Variants in COL5A1 observed in about 807,000 individuals in gnomAD.
COL5A1 encodes the protein collagen type V alpha 1 chain.
Under a neutral mutation model 263.7 loss-of-function variants are expected in COL5A1, and 16 were observed. The ratio of observed to expected loss-of-function variants is 0.06; its 90% confidence interval spans 0.04 to 0.09. The LOEUF is 0.09. Ranked by LOEUF, COL5A1 falls within the 10% of genes least tolerant of loss-of-function variation. The probability of loss-of-function intolerance (pLI) is 1.00; values close to 1 mark genes in which losing one functional copy is unlikely to be tolerated. For missense variants in COL5A1, 2,036 were observed against 2,540.5 expected (o/e 0.80, Z 4.27); for synonymous variants, 1,012 against 1,004.5 (o/e 1.01, Z -0.14).
chr9:134,746,753 A>G (rs1835527575), intron 11 of COL5A1, among the ~76,000 whole-genome samples: 1 of 152,238 alleles, frequency 6.6e-6, no homozygotes, highest in African/African-American at 2.4e-5. Flanking sequence ...CAGCTAATGG[A>G]GTAACAGGAA....
rs559825450 is a variant in COL5A1 at position 134,677,281 on chromosome 9, C to T, written c.110-13631C>T. Among the ~76,000 whole-genome samples, 2 of 152,258 alleles carry T rather than the reference C, an allele frequency of 1.3e-5. No individual in the cohort carries two copies. Among genetic ancestry groups the T allele is most frequent in the East Asian group, 3.9e-4 (2 of 5,184 alleles). ...ATCTCAGCTACCAGTCATGGCTTCT[C>T]GGGGAAGGCAGGCCCTGGTATTACA... On this transcript the variant is annotated intron_variant, in intron 1 of 65. Transcript: ENST00000371817. The surrounding 1 kb of genome is among the most constrained non-coding windows in gnomAD (Gnocchi z 4.4).
intron 63 of COL5A1, among the ~76,000 whole-genome samples, chr9:134,829,455 C>T (rs139183857): frequency 0.015 from 2,240 of 147,556 alleles, 16 homozygotes; most frequent in East Asian, 0.054. Context: ...CATCCTCACG[C>T]GGCCTCCGGT....
intron 27 of COL5A1, among the ~76,000 whole-genome samples, chr9:134,778,663 C>T (rs761367985): frequency 2.9e-4 from 44 of 152,238 alleles, no homozygotes; most frequent in Admixed American, 2.4e-3. Flanking sequence ...CCTTGCCCTC[C>T]CGGCTGCCTC....
rs559164967 is a variant in COL5A1 at position 134,724,488 on chromosome 9, C to T, written c.655-2778C>T. The stretch of plus-strand genomic sequence containing the variant: ...CTGCGGGCTGGGATTCCCTCCGCCC[C>T]GCCCGTGTGCGCAGTGGTTGTGATG... On this transcript the variant is annotated intron_variant, in intron 4 of 65. Coordinates refer to ENST00000371817, the MANE Select transcript of COL5A1 (RefSeq NM_000093.5). Among the ~76,000 whole-genome samples the T allele has an allele frequency of 3.9e-5, 6 of 152,314 alleles. No individual in the cohort carries two copies. In the South Asian group the frequency reaches 6.2e-4, roughly 16 times the overall value.
intron 20 of COL5A1, among the ~76,000 whole-genome samples, chr9:134,764,583 A>G (rs866158874): frequency 2.0e-5 from 3 of 152,156 alleles, no homozygotes; most frequent in African/African-American, 7.2e-5. Flanking sequence ...TGGATAGGAC[A>G]TTAATTACTA....
At chr9:134,775,677 T>C (rs78117819) in intron 27 of COL5A1, among the ~76,000 whole-genome samples, 2,292 of 152,338 alleles carry the variant, frequency 0.015, 36 homozygotes, top group Non-Finnish European at 0.021. Context: ...CCTCTGAGAA[T>C]GGGGACTTGC....
rs3128598 is a variant in COL5A1 at position 134,730,193 on chromosome 9, G to A, written c.925-43G>A. ...AAGTCCCAGACCTGGCACCACTGCC[G>A]GCCTCCGCCCTGACTCCAGCTGTCT... On this transcript the variant is annotated intron_variant, in intron 6 of 65. Transcript: ENST00000371817. 710,600 of 1,605,376 alleles carry A rather than the reference G, an allele frequency of 0.44. 162,136 individuals carry two copies. Among genetic ancestry groups the A allele is most frequent in the Admixed American group, 0.66 (39,724 of 59,926 alleles).
At chr9:134,763,368 C>T (rs533759718) in intron 19 of COL5A1, among the ~76,000 whole-genome samples, 1 of 152,348 alleles carries the variant, frequency 6.6e-6, no homozygotes, top group South Asian at 2.1e-4. Flanking sequence ...ATGCCCTGTC[C>T]TGCCCCAGAG....
In COL5A1 at chr9:134,696,196, C is replaced by G. The variant is rs1028930966; in HGVS notation, c.278-3713C>G. Among the ~76,000 whole-genome samples the G allele has an allele frequency of 6.6e-6, 1 of 151,948 alleles. No homozygotes were observed. The highest frequency in any genetic ancestry group is 2.1e-4 in the South Asian group (1 of 4,810). On this transcript the variant is annotated intron_variant, in intron 2 of 65. Coordinates refer to ENST00000371817, the MANE Select transcript of COL5A1 (RefSeq NM_000093.5). This position sits in a 1 kb window ranked among gnomAD's most constrained non-coding sequence, Gnocchi z 4.3. Reference sequence around the variant, plus strand: ...ATTATTATTATTATTATTATTGAGACAGAGTCTCACTCTGTCGCCCAGGCT... The same window carrying G: ...ATTATTATTATTATTATTATTGAGAGAGAGTCTCACTCTGTCGCCCAGGCT...
intron 4 of COL5A1, among the ~76,000 whole-genome samples, chr9:134,706,113 C>T (rs1833829978): frequency 6.6e-6 from 1 of 152,208 alleles, no homozygotes; most frequent in Non-Finnish European, 1.5e-5. Context: ...GTGGGATGGC[C>T]AAGCCCTCTC....
chr9:134,649,318 C>CA (rs1459657934), intron 1 of COL5A1: 1 of 365,064 alleles, frequency 2.7e-6, no homozygotes, highest in Non-Finnish European at 5.4e-6. Context: ...GTAATAACCT[C>CA]ATATTAGCAG....
chr9:134,658,030 C>T (rs537488251), intron 1 of COL5A1, among the ~76,000 whole-genome samples: 51 of 152,078 alleles, frequency 3.4e-4, no homozygotes, highest in African/African-American at 1.0e-3. Flanking sequence ...GGACTGCACT[C>T]GGAGTCCTGT....
chr9:134,681,785 T>C lies in COL5A1; in HGVS notation c.110-9127T>C, dbSNP rs1383094177. On this transcript the variant is annotated intron_variant, in intron 1 of 65. Coordinates refer to ENST00000371817, the MANE Select transcript of COL5A1 (RefSeq NM_000093.5). This position sits in a 1 kb window ranked among gnomAD's most constrained non-coding sequence, Gnocchi z 4.3. ...CCCGAGAATTGTGAAGACCTCAAGC[T>C]TGGGGTTATTTAGAGACTCTCAAGT... 6.6e-6 allele frequency among the ~76,000 whole-genome samples: 1 copy of C among 152,206 alleles called. No homozygotes were observed. The highest frequency in any genetic ancestry group is 2.1e-4 in the South Asian group (1 of 4,830).
intron 11 of COL5A1, among the ~76,000 whole-genome samples, chr9:134,744,945 G>T (rs1385411252): frequency 6.6e-6 from 1 of 152,246 alleles, no homozygotes; most frequent in African/African-American, 2.4e-5. Flanking sequence ...ACATCTACAT[G>T]CACGCGTGCG....
At chr9:134,712,232 TCTTATCCC>T (rs1834083238) in intron 4 of COL5A1, among the ~76,000 whole-genome samples, 3 of 30,298 alleles carry the variant, frequency 9.9e-5, no homozygotes, top group African/African-American at 2.8e-4. Context: ...GCCCCCTTCT[TCTTATCCC>T]CCTTCTTCCT....
chr9:134,793,329 C>A (rs535109209), intron 32 of COL5A1, among the ~76,000 whole-genome samples: 1 of 151,954 alleles, frequency 6.6e-6, no homozygotes, highest in African/African-American at 2.4e-5. Context: ...TTCCTAAGGG[C>A]AAGAAGACAG....
chr9:134,651,612 C>T (rs1483573887), intron 1 of COL5A1, among the ~76,000 whole-genome samples: 2 of 152,258 alleles, frequency 1.3e-5, no homozygotes, highest in East Asian at 3.8e-4. Flanking sequence ...GCCCAGCCAT[C>T]TGCATCCTCA....
Position 134,652,652 on chromosome 9 carries a change from G to A in COL5A1, c.109+10356G>A, listed in dbSNP as rs1412906340. 2.3e-5 allele frequency: 11 copies of A among 470,376 alleles called. No individual in the cohort carries two copies. Among genetic ancestry groups the A allele is most frequent in the African/African-American group, 8.0e-5 (4 of 50,054 alleles). The allele number at this position is 470,376 out of a possible 1,614,324, so 29.1% of individuals were successfully genotyped here. On this transcript the variant is annotated intron_variant, in intron 1 of 65. Transcript: ENST00000371817. This position sits in a 1 kb window ranked among gnomAD's most constrained non-coding sequence, Gnocchi z 4.4. ...CCCACCAAAAAGACTGACCCAGCCC[G>A]GAGGCTGCAGGAATCGTGGGATAGA...
rs1442376067 is a variant in COL5A1 at position 134,818,567 on chromosome 9, G to A, written c.4231-89G>A. The A allele has an allele frequency of 2.1e-6, 2 of 949,388 alleles. No individual in the cohort carries two copies. Among genetic ancestry groups the A allele is most frequent in the Non-Finnish European group, 3.3e-6 (2 of 600,768 alleles). 58.8% of individuals were successfully genotyped at this position (949,388 alleles called of 1,614,324 possible). A position where few individuals can be genotyped will look rare whatever the true frequency, so the allele number is the denominator to read the frequency against. On this transcript the variant is annotated intron_variant, in intron 54 of 65. Transcript: ENST00000371817. The surrounding 1 kb of genome is among the most constrained non-coding windows in gnomAD (Gnocchi z 6.0). ...TGGGGTCACCTGGGACTCCTCCAGA[G>A]GTGCCCAGGGTTTCCGAGCAGTGGT... is the stretch of plus-strand genomic sequence containing the variant.
Sources: allele counts gnomAD v4.1 joint callset (sites outside exome capture counted in the v4.1 genomes callset), GRCh38; gene constraint gnomAD v4.1.1; non-coding constraint Gnocchi (gnomAD v3.1); transcripts MANE v1.5; gene names NCBI Gene and HGNC (gene_info 2026-07-23, HGNC 2026-07-21).